Variants in GRIK2 observed in about 807,000 individuals in gnomAD.
The protein encoded by GRIK2 is glutamate ionotropic receptor kainate type subunit 2.
In GRIK2, 32 loss-of-function variants were observed where a neutral mutation model predicts 100.3. The ratio of observed to expected loss-of-function variants is 0.32; its 90% confidence interval spans 0.24 to 0.43. GRIK2 has a LOEUF of 0.43. Ranked by LOEUF, GRIK2 falls within the 20% of genes least tolerant of loss-of-function variation. The probability of loss-of-function intolerance (pLI) is 1.00; values close to 1 mark genes in which losing one functional copy is unlikely to be tolerated. For synonymous variants in GRIK2, 417 were observed against 389.4 expected, an observed-to-expected ratio of 1.07 and a Z score of -0.83; for missense variants, 843 against 1,114.9, an observed-to-expected ratio of 0.76 and a Z score of 3.47.
intron 13 of GRIK2, among the ~76,000 whole-genome samples, chr6:101,925,366 C>T (rs1168916455): frequency 2.0e-5 from 3 of 150,920 alleles, no homozygotes; most frequent in Non-Finnish European, 3.0e-5. Flanking sequence ...AATACATGTA[C>T]TAATACGTCT....
At chr6:101,436,558 T>G (rs552990871) in intron 2 of GRIK2, among the ~76,000 whole-genome samples, 13 of 152,148 alleles carry the variant, frequency 8.5e-5, no homozygotes, top group African/African-American at 3.1e-4. Context: ...TTACCCCCAC[T>G]CTTACTGGAG....
At chr6:101,707,315 C>A in intron 7 of GRIK2, among the ~76,000 whole-genome samples, 1 of 151,096 alleles carries the variant, frequency 6.6e-6, no homozygotes, top group South Asian at 2.1e-4. Context: ...GGGGAAGAAA[C>A]TTATAAGCAA....
At chr6:101,588,438 A>G (rs149766890) in intron 2 of GRIK2, among the ~76,000 whole-genome samples, 149 of 145,706 alleles carry the variant, frequency 1.0e-3, no homozygotes, top group Admixed American at 4.1e-3. Context: ...ATCAAGAGCC[A>G]TAAATATCTT....
At chr6:101,445,382 C>G (rs1770321002) in intron 2 of GRIK2, among the ~76,000 whole-genome samples, 1 of 14,750 alleles carries the variant, frequency 6.8e-5, no homozygotes, top group African/African-American at 3.4e-4. Flanking sequence ...ACTCAGCATA[C>G]TTTCTGTGAA....
At chr6:101,838,761 C>T (rs534803171) in intron 10 of GRIK2, among the ~76,000 whole-genome samples, 2 of 151,552 alleles carry the variant, frequency 1.3e-5, no homozygotes, top group African/African-American at 4.9e-5. Flanking sequence ...CAGCAATTCT[C>T]GTGCCTCAGC....
intron 4 of GRIK2, among the ~76,000 whole-genome samples, chr6:101,659,054 C>T (rs1204493991): frequency 6.6e-6 from 1 of 152,092 alleles, no homozygotes; most frequent in Non-Finnish European, 1.5e-5. Context: ...TCAATTTTGG[C>T]TTTTGTTGCC....
intron 2 of GRIK2, among the ~76,000 whole-genome samples, chr6:101,408,683 A>G (rs1041307667): frequency 5.3e-5 from 8 of 152,174 alleles, no homozygotes; most frequent in East Asian, 3.9e-4. Context: ...CAGGCATTCA[A>G]CTGAGCGGAT....
At chr6:101,510,210 T>C (rs1774229428) in intron 2 of GRIK2, among the ~76,000 whole-genome samples, 1 of 152,134 alleles carries the variant, frequency 6.6e-6, no homozygotes, top group African/African-American at 2.4e-5. Context: ...AAAGTGGCTT[T>C]TGTTTTTGGT....
At chr6:102,032,397 G>T (rs1429515931) in intron 14 of GRIK2, among the ~76,000 whole-genome samples, 1 of 151,214 alleles carries the variant, frequency 6.6e-6, no homozygotes, top group Non-Finnish European at 1.5e-5. Flanking sequence ...ATACCTTGAT[G>T]CTTAGGCTAT....
intron 2 of GRIK2, among the ~76,000 whole-genome samples, chr6:101,535,866 T>TCA (rs549013937): frequency 4.0e-5 from 6 of 151,690 alleles, no homozygotes; most frequent in African/African-American, 1.5e-4. Context: ...AATGTTTTGG[T>TCA]CACACACACC....
chr6:101,802,307 A>T, intron 8 of GRIK2, 24 bp from the exon 9 acceptor site: 1 of 935,456 alleles, frequency 1.1e-6, no homozygotes, highest in Non-Finnish European at 1.6e-6. Context: ...CTTATTTATT[A>T]TCAATGTTTT....
intron 2 of GRIK2, among the ~76,000 whole-genome samples, chr6:101,467,104 G>A (rs2128254401): frequency 6.6e-6 from 1 of 152,170 alleles, no homozygotes; most frequent in South Asian, 2.1e-4. Context: ...CCCTTTTCCA[G>A]CAACAGAAGT....
chr6:101,505,543 G>A (rs1463481668), intron 2 of GRIK2, among the ~76,000 whole-genome samples: 2 of 152,054 alleles, frequency 1.3e-5, no homozygotes, highest in African/African-American at 4.8e-5. Context: ...TAACGAGCCA[G>A]AGCAATACTA....
rs1240765122 is a variant in GRIK2 at position 102,035,321 on chromosome 6, CTT to C, written c.2086-19_2086-18del. ...TAAAGAATAACTTTCTCGTGACCAA[CTT>C]ATATTTATTTTCTTCAGAAATCAAA... On this transcript the variant is annotated intron_variant, in intron 14 of 16. Transcript: ENST00000369134. 16 of 1,447,918 alleles carry C rather than the reference CTT, an allele frequency of 1.1e-5. No homozygotes were observed. The highest frequency in any genetic ancestry group is 1.5e-5 in the Non-Finnish European group (16 of 1,033,958). 89.7% of individuals were successfully genotyped at this position (1,447,918 alleles called of 1,614,324 possible). A position where few individuals can be genotyped will look rare whatever the true frequency, so the allele number is the denominator to read the frequency against.
At chr6:102,055,046 T>C (rs1771397237) in intron 15 of GRIK2, among the ~76,000 whole-genome samples, 1 of 152,188 alleles carries the variant, frequency 6.6e-6, no homozygotes, top group African/African-American at 2.4e-5. Context: ...CTTTGTGGAT[T>C]CTTTCTTACT....
At position 101,818,483 on chromosome 6, in the gene GRIK2, GGTAA is replaced by G; in HGVS notation, c.1317+4_1317+7del. The G allele has an allele frequency of 6.6e-7, 1 of 1,523,944 alleles. No individual in the cohort carries two copies. Among genetic ancestry groups the G allele is most frequent in the Non-Finnish European group, 9.1e-7 (1 of 1,098,326 alleles). 94.4% of individuals were successfully genotyped at this position (1,523,944 alleles called of 1,614,324 possible). ...GTTCTTTGATTGTTACCACCATTTT[GGTAA>G]GTATTTGCTTTTCCATTATTCTTAG... On this transcript the variant is annotated splice_donor_variant and splice_donor_region_variant and intron_variant, in intron 10 of 16. Coordinates refer to ENST00000369134, the MANE Select transcript of GRIK2 (RefSeq NM_021956.5). LOFTEE classifies it high-confidence loss of function.
At chr6:101,817,510 T>A (rs1781704717) in intron 9 of GRIK2, among the ~76,000 whole-genome samples, 1 of 152,204 alleles carries the variant, frequency 6.6e-6, no homozygotes, top group Non-Finnish European at 1.5e-5. Flanking sequence ...ATTTCACATC[T>A]TCTTTTGCCT....
chr6:101,888,885 T>C (rs1297857074), intron 11 of GRIK2, among the ~76,000 whole-genome samples: 2 of 152,152 alleles, frequency 1.3e-5, no homozygotes, highest in East Asian at 3.8e-4. Flanking sequence ...TCTTACAATA[T>C]ATTAGAGCTT....
intron 1 of GRIK2, among the ~76,000 whole-genome samples, chr6:101,394,559 G>T (rs1369261737): frequency 6.6e-6 from 1 of 152,180 alleles, no homozygotes; most frequent in Non-Finnish European, 1.5e-5. Flanking sequence ...GTAATGCACA[G>T]ATTATCTTCT....
Sources: allele counts gnomAD v4.1 joint callset (sites outside exome capture counted in the v4.1 genomes callset), GRCh38; gene constraint gnomAD v4.1.1; transcripts MANE v1.5; gene names NCBI Gene and HGNC (gene_info 2026-07-23, HGNC 2026-07-21).